HSPA4L: variants seen among roughly 807,000 people sequenced by gnomAD.
HSPA4L encodes heat shock protein family A (Hsp70) member 4 like.
HSPA4L carries 48 observed loss-of-function variants against 100.3 expected under a neutral mutation model. The ratio of observed to expected loss-of-function variants is 0.48; its 90% CI spans 0.38 to 0.61. The LOEUF is 0.61. HSPA4L is among the 20% of genes least tolerant of loss of function. The pLI is 0.00. For synonymous variants in HSPA4L, 319 were observed against 328.2 expected (o/e 0.97, Z 0.30); for missense variants, 886 against 988.6 (o/e 0.90, Z 1.39).
At chr4:127,804,419 A>G (rs1560658929) in intron 8 of HSPA4L, among the ~76,000 whole-genome samples, 1 of 152,122 alleles carries the variant, frequency 6.6e-6, no homozygotes, top group Non-Finnish European at 1.5e-5. Flanking sequence ...CAGCCTGGAC[A>G]ACATGGTGAA....
rs191186979 is a variant in HSPA4L at position 127,811,859 on chromosome 4, G to T, written c.1578+223G>T. Among the ~76,000 whole-genome samples, 11 of 152,166 alleles carry T rather than the reference G, an allele frequency of 7.2e-5. 1 individual carries two copies. The East Asian group carries it at 2.1e-3, about 29-fold the overall frequency. ...TTGTCACATACTTTTTAAGAGTTTGGTGCATCTTTCATAGTATTACATGGA... is the reference window on the plus strand; with the variant it reads ...TTGTCACATACTTTTTAAGAGTTTGTTGCATCTTTCATAGTATTACATGGA... On this transcript the variant is annotated intron_variant, in intron 12 of 18. Coordinates refer to ENST00000296464, the MANE Select transcript of HSPA4L (RefSeq NM_014278.4).
chr4:127,820,172 A>AT (rs1553934470), intron 13 of HSPA4L, among the ~76,000 whole-genome samples: 1 of 152,006 alleles, frequency 6.6e-6, no homozygotes, highest in Non-Finnish European at 1.5e-5. Flanking sequence ...ATTATTTTAT[A>AT]TTTTTTAATT....
At chr4:127,827,743 GGAC>G in intron 17 of HSPA4L, among the ~76,000 whole-genome samples, 1 of 152,062 alleles carries the variant, frequency 6.6e-6, no homozygotes. Context: ...GTGAAAAAGA[GGAC>G]CTCTTTGACT....
chr4:127,811,579 C>G lies in HSPA4L; in HGVS notation c.1521C>G (p.His507Gln). The G allele has an allele frequency of 6.2e-7, 1 of 1,613,872 alleles. No homozygotes were observed. The highest frequency in any genetic ancestry group is 8.5e-7 in the Non-Finnish European group (1 of 1,179,944). The change falls in exon 12 of 19, where the codon CAC becomes CAG. Residue 507 changes from histidine (H) to glutamine (Q), a missense_variant. Coordinates refer to ENST00000296464, the MANE Select transcript of HSPA4L (RefSeq NM_014278.4). ...VIEKQNLEGD[H>Q]SDAPMETETS... Reference sequence around the variant, plus strand: ...AGAAGCAAAATTTGGAAGGCGATCACAGTGATGCTCCAATGGAGACAGAAA... The same window carrying G: ...AGAAGCAAAATTTGGAAGGCGATCAGAGTGATGCTCCAATGGAGACAGAAA...
rs1318395131 is a variant in HSPA4L at position 127,836,985 on chromosome 4, G to C, written c.*4111G>C. 6.6e-6 allele frequency: 1 copy of C among 151,828 alleles called. No individual in the cohort carries two copies. Among genetic ancestry groups the C allele is most frequent in the Non-Finnish European group, 1.5e-5 (1 of 67,982 alleles). The allele number at this position is 151,828 out of a possible 1,614,324, so 9.4% of individuals were successfully genotyped here. On this transcript the variant is annotated 3_prime_UTR_variant, in exon 19 of 19. Coordinates refer to ENST00000296464, the MANE Select transcript of HSPA4L (RefSeq NM_014278.4). ...AGACAGAGTATGGCTTTGTTACCCA[G>C]GCTGGATTGCAATGGGGTGATCTAG... is the stretch of plus-strand genomic sequence containing the variant.
chr4:127,820,307 A>G, intron 13 of HSPA4L, 121 bp from the exon 14 acceptor site: 1 of 760,488 alleles, frequency 1.3e-6, no homozygotes, highest in Non-Finnish European at 2.0e-6. Flanking sequence ...ATCAGTCTTA[A>G]GGTAGTACTT....
chr4:127,810,680 C>T (rs945594817), intron 11 of HSPA4L, among the ~76,000 whole-genome samples: 1 of 152,074 alleles, frequency 6.6e-6, no homozygotes, highest in African/African-American at 2.4e-5. Context: ...ATTGCTTGAG[C>T]CTGGGAGTTT....
intron 10 of HSPA4L, among the ~76,000 whole-genome samples, chr4:127,806,243 A>G (rs1467155134): frequency 6.6e-6 from 1 of 152,000 alleles, no homozygotes; most frequent in Non-Finnish European, 1.5e-5. Flanking sequence ...TTCCATGTCA[A>G]CAGACAGTAA....
intron 12 of HSPA4L, among the ~76,000 whole-genome samples, chr4:127,814,086 G>GT (rs1733612190): frequency 6.6e-6 from 1 of 152,036 alleles, no homozygotes; most frequent in African/African-American, 2.4e-5. Flanking sequence ...TGCTGCTTCT[G>GT]TTTGTCTGTG....
chr4:127,791,813 C>T (rs1334902192), intron 1 of HSPA4L, among the ~76,000 whole-genome samples: 1 of 152,164 alleles, frequency 6.6e-6, no homozygotes, highest in Non-Finnish European at 1.5e-5. Flanking sequence ...TAGGTTAATT[C>T]TTGCTGTTAC....
Position 127,830,775 on chromosome 4 carries a change from T to C in HSPA4L, c.2304T>C (p.Val768=). 2 of 1,591,418 alleles carry C rather than the reference T, an allele frequency of 1.3e-6. No individual in the cohort carries two copies. The highest frequency in any genetic ancestry group is 2.3e-5 in the East Asian group (1 of 43,638). Residue 768 remains valine (V), a synonymous_variant, in exon 18 of 19, where the codon GTT becomes GTC. Transcript: ENST00000296464. ...LSLTQDPVVK[V]SEIVAKSKEL... is the part of the protein sequence containing the mutation. ...TCACTCAAGATCCTGTGGTAAAAGT[T>C]TCAGAAATAGTAGCAAAGTCAAAGG... is the stretch of plus-strand genomic sequence containing the variant.
In HSPA4L at chr4:127,798,566, T is replaced by C. The variant is rs776825071; in HGVS notation, c.307-21T>C. 6.2e-6 allele frequency: 10 copies of C among 1,611,744 alleles called. No homozygotes were observed. In the South Asian group the frequency reaches 7.7e-5, roughly 12 times the overall value. ...GGATAAACAAATGACTCTTAATAAA[T>C]ATCCCAACTTTTGGTGTTAGGTGCG... On this transcript the variant is annotated intron_variant, in intron 3 of 18. Coordinates refer to ENST00000296464, the MANE Select transcript of HSPA4L (RefSeq NM_014278.4).
At chr4:127,817,481 T>C (rs1312671136) in intron 12 of HSPA4L, among the ~76,000 whole-genome samples, 2 of 152,206 alleles carry the variant, frequency 1.3e-5, no homozygotes, top group Admixed American at 6.5e-5. Context: ...TTTCAAGCTT[T>C]CTTCAGGAGG....
Position 127,795,790 on chromosome 4 carries a change from C to A in HSPA4L, c.188C>A (p.Thr63Lys), listed in dbSNP as rs749165073. The A allele has an allele frequency of 1.9e-6, 3 of 1,613,360 alleles. No homozygotes were observed. In the Admixed American group the frequency reaches 5.0e-5, roughly 27 times the overall value. ...KSQIVTNVRN[T>K]IHGFKKLHGR... Reference sequence around the variant, plus strand: ...CAGATAGTCACGAACGTAAGAAATACAATTCATGGCTTCAAAAAGCTTCAT... The same window carrying A: ...CAGATAGTCACGAACGTAAGAAATAAAATTCATGGCTTCAAAAAGCTTCAT... The change falls in exon 3 of 19, where the codon ACA becomes AAA. Residue 63 changes from threonine to lysine, a missense_variant. By Grantham distance (78) the Thr-to-Lys change is moderately conservative (BLOSUM62 -1). Transcript: ENST00000296464.
chr4:127,789,277 G>A (rs974648464), intron 1 of HSPA4L, among the ~76,000 whole-genome samples: 7 of 152,198 alleles, frequency 4.6e-5, no homozygotes, highest in African/African-American at 1.7e-4. Flanking sequence ...TTAGAATTTT[G>A]TGGTATTTTC....
chr4:127,819,682 A>G (rs1198344191), intron 13 of HSPA4L, among the ~76,000 whole-genome samples: 1 of 152,138 alleles, frequency 6.6e-6, no homozygotes, highest in African/African-American at 2.4e-5. Context: ...GGAACAGGCA[A>G]TAGATTTGCC....
At chr4:127,783,901 C>T (rs558536031) in intron 1 of HSPA4L, among the ~76,000 whole-genome samples, 8 of 152,008 alleles carry the variant, frequency 5.3e-5, no homozygotes, top group Non-Finnish European at 1.2e-4. Context: ...TACCTTTTTT[C>T]GTAGATGTAC....
intron 3 of HSPA4L, 25 bp from the exon 4 acceptor site, chr4:127,798,562 T>A (rs1733086523): frequency 6.2e-7 from 1 of 1,611,252 alleles, no homozygotes; most frequent in Admixed American, 1.7e-5. Context: ...TGACTCTTAA[T>A]AAATATCCCA....
At chr4:127,814,904 T>C (rs1733633194) in intron 12 of HSPA4L, among the ~76,000 whole-genome samples, 1 of 152,212 alleles carries the variant, frequency 6.6e-6, no homozygotes, top group South Asian at 2.1e-4. Context: ...TTTTTCTCTT[T>C]AATTCTGTAT....
Sources: gnomAD v4.1 joint callset for allele counts (sites outside exome capture counted in the v4.1 genomes callset) on GRCh38, gnomAD v4.1.1 for gene constraint, MANE v1.5 for transcripts, NCBI Gene and HGNC (gene_info 2026-07-23, HGNC 2026-07-21) for gene names.